The following FAM200B variants were observed in gnomAD, a reference collection of about 807,000 sequenced individuals.
The protein encoded by FAM200B is zinc finger BED-type containing 11.
Under a neutral mutation model 33.1 loss-of-function variants are expected in FAM200B, and 32 were observed. That is an observed-to-expected ratio of 0.97 (90% CI 0.73 to 1.30). The LOEUF (loss-of-function observed/expected upper bound fraction) is 1.30, where lower values mean the gene tolerates loss of function less well. FAM200B is among the 50% of genes most tolerant of loss of function. FAM200B has a pLI of 0.00. For missense variants in FAM200B, 741 were observed against 754.0 expected (o/e 0.98, Z 0.20); for synonymous variants, 240 against 264.8 (o/e 0.91, Z 0.91).
the FAM200B span, among the ~76,000 whole-genome samples, chr4:15,658,986 C>T: frequency 6.6e-6 from 1 of 152,168 alleles, no homozygotes; most frequent in African/African-American, 2.4e-5. Flanking sequence ...AATTTCCCAG[C>T]TTTTAAACTC....
In FAM200B at chr4:15,687,198, AAT is replaced by A. The variant is rs1170975945; in HGVS notation, c.222_223del (p.Cys75Ter). The A allele has an allele frequency of 6.3e-5, 97 of 1,538,072 alleles. No homozygotes were observed. Among genetic ancestry groups the A allele is most frequent in the Non-Finnish European group, 7.5e-5 (86 of 1,140,852 alleles). ...GATTACTTAAAATATGGCTTTATCA[AAT>A]GTGAAAAACCCTTTGAAAATGACAG... On this transcript the variant is annotated frameshift_variant, in exon 2 of 2. Coordinates refer to ENST00000422728, the MANE Select transcript of FAM200B (RefSeq NM_001145191.2). LOFTEE classifies it high-confidence loss of function.
upstream of FAM200B, chr4:15,681,286 G>A (rs1259061444): frequency 6.5e-6 from 1 of 153,796 alleles, no homozygotes; most frequent in African/African-American, 2.4e-5. Context: ...TCACCTTGGA[G>A]TGTATGAACC....
chr4:15,669,462 T>C, the FAM200B span, among the ~76,000 whole-genome samples: 1 of 152,182 alleles, frequency 6.6e-6, no homozygotes, highest in Non-Finnish European at 1.5e-5. Flanking sequence ...AGAATATCTA[T>C]TGCTAGATAA....
At chr4:15,652,687 T>C in the FAM200B span, among the ~76,000 whole-genome samples, 1 of 152,196 alleles carries the variant, frequency 6.6e-6, no homozygotes, top group African/African-American at 2.4e-5. Flanking sequence ...AGCATATAAG[T>C]GGTTTACTTG....
chr4:15,667,981 C>T, the FAM200B span, among the ~76,000 whole-genome samples: 5 of 150,100 alleles, frequency 3.3e-5, no homozygotes, highest in Admixed American at 1.3e-4. Flanking sequence ...GTGGAGGTTG[C>T]GGTGAGCCAA....
At chr4:15,662,368 A>G in the FAM200B span, among the ~76,000 whole-genome samples, 1 of 151,864 alleles carries the variant, frequency 6.6e-6, no homozygotes, top group African/African-American at 2.4e-5. Context: ...CTGAGTTTCT[A>G]GGTCCTCACT....
the FAM200B span, among the ~76,000 whole-genome samples, chr4:15,666,715 C>G: frequency 1.3e-5 from 2 of 151,896 alleles, no homozygotes; most frequent in Non-Finnish European, 2.9e-5. Context: ...GCCTGTGATT[C>G]CATCTACTCG....
the FAM200B span, among the ~76,000 whole-genome samples, chr4:15,654,137 G>A: frequency 4.3e-4 from 66 of 152,308 alleles, no homozygotes; most frequent in African/African-American, 1.5e-3. Flanking sequence ...GCCTGGCTGA[G>A]CTATGAAACA....
chr4:15,655,173 G>C, the FAM200B span: 3 of 1,362,848 alleles, frequency 2.2e-6, no homozygotes, highest in Non-Finnish European at 2.9e-6. Context: ...CGCCCGCACC[G>C]CCCACAGCGG....
At chr4:15,677,054 G>A (rs1488038508), upstream of FAM200B, among the ~76,000 whole-genome samples, 2 of 152,032 alleles carry the variant, frequency 1.3e-5, no homozygotes, top group East Asian at 1.9e-4. Flanking sequence ...GGTTTATTTC[G>A]GATATACCGC....
chr4:15,647,052 A>C, the FAM200B span, among the ~76,000 whole-genome samples: 6 of 151,452 alleles, frequency 4.0e-5, no homozygotes, highest in Non-Finnish European at 8.8e-5. Context: ...GTGAAACCCC[A>C]TCTCTACTAA....
At chr4:15,651,534 A>G in the FAM200B span, among the ~76,000 whole-genome samples, 5 of 152,196 alleles carry the variant, frequency 3.3e-5, no homozygotes, top group Non-Finnish European at 7.3e-5. Flanking sequence ...CACTAAGCCA[A>G]TCTTCTCAAA....
At chr4:15,640,961 G>A in the FAM200B span, 1 of 746,614 alleles carries the variant, frequency 1.3e-6, no homozygotes, top group East Asian at 3.0e-5. Flanking sequence ...AGTTTAAAAT[G>A]TGACATAAAA....
chr4:15,674,723 C>T, the FAM200B span, among the ~76,000 whole-genome samples: 5 of 151,366 alleles, frequency 3.3e-5, no homozygotes, highest in African/African-American at 9.7e-5. Flanking sequence ...GATCTTGGCT[C>T]ACTGCAAGCT....
At chr4:15,642,105 T>C in the FAM200B span, among the ~76,000 whole-genome samples, 1 of 152,088 alleles carries the variant, frequency 6.6e-6, no homozygotes, top group African/African-American at 2.4e-5. Flanking sequence ...AGGTGCTCAC[T>C]ATATCTTGAA....
chr4:15,656,103 G>T, the FAM200B span: 2 of 450,176 alleles, frequency 4.4e-6, no homozygotes, highest in Non-Finnish European at 8.9e-6. Flanking sequence ...CGCGGGTCAG[G>T]GATAGGCCCG....
chr4:15,662,217 CGT>C, the FAM200B span, among the ~76,000 whole-genome samples: 1 of 152,086 alleles, frequency 6.6e-6, no homozygotes, highest in African/African-American at 2.4e-5. Context: ...GCTGGCTAAA[CGT>C]GGTCCAGAAC....
At position 15,686,344 on chromosome 4, in the gene FAM200B, A is replaced by G. The variant is rs1718846239; in HGVS notation, c.-634A>G. On this transcript the variant is annotated 5_prime_UTR_variant, in exon 2 of 2. It adds an upstream start codon to the 5' untranslated region. Coordinates refer to ENST00000422728, the MANE Select transcript of FAM200B (RefSeq NM_001145191.2). ...TTGGCTCCTCACTGGATCAGACCAT[A>G]AAAATGATCCAGGAATGAAAATCTA... The G allele has an allele frequency of 6.6e-6, 1 of 152,204 alleles. No individual in the cohort carries two copies. The highest frequency in any genetic ancestry group is 2.4e-5 in the African/African-American group (1 of 41,444). The allele number at this position is 152,204 out of a possible 1,614,324, so 9.4% of individuals were successfully genotyped here. A position where few individuals can be genotyped will look rare whatever the true frequency, so the allele number is the denominator to read the frequency against.
the FAM200B span, among the ~76,000 whole-genome samples, chr4:15,664,063 A>G: frequency 6.6e-6 from 1 of 152,226 alleles, no homozygotes; most frequent in Non-Finnish European, 1.5e-5. Context: ...AAGAAATAGC[A>G]GAGCCAAGAT....
Sources: gnomAD v4.1 joint callset for allele counts (sites outside exome capture counted in the v4.1 genomes callset) on GRCh38, gnomAD v4.1.1 for gene constraint, MANE v1.5 for transcripts, NCBI Gene and HGNC (gene_info 2026-07-23, HGNC 2026-07-21) for gene names.